Variants in DNAJB14 observed in about 807,000 individuals in gnomAD.
The protein encoded by DNAJB14 is DnaJ heat shock protein family (Hsp40) member B14.
In DNAJB14, 22 loss-of-function variants were observed where a neutral mutation model predicts 48.4. The observed-to-expected ratio is 0.45, with a 90% CI of 0.32 to 0.65. The LOEUF is 0.65. Ranked by LOEUF, DNAJB14 falls within the 30% of genes least tolerant of loss-of-function variation. The pLI is 0.03. For synonymous variants in DNAJB14, 142 were observed against 158.7 expected, an observed-to-expected ratio of 0.89 and a Z score of 0.79; for missense variants, 319 against 458.8, an observed-to-expected ratio of 0.70 and a Z score of 2.78.
intron 3 of DNAJB14, among the ~76,000 whole-genome samples, chr4:99,909,656 C>G (rs2110197059): frequency 6.6e-6 from 1 of 152,018 alleles, no homozygotes; most frequent in South Asian, 2.1e-4. Flanking sequence ...TCTCACAGTC[C>G]CAAATCCAAA....
intron 1 of DNAJB14, among the ~76,000 whole-genome samples, chr4:99,932,341 C>T (rs1431665014): frequency 2.0e-5 from 3 of 151,674 alleles, no homozygotes; most frequent in Non-Finnish European, 2.9e-5. Flanking sequence ...GTTAAAAAAA[C>T]GGGTGAAGGA....
intron 2 of DNAJB14, chr4:99,924,264 AC>A (rs1726166707): frequency 6.5e-6 from 1 of 152,760 alleles, no homozygotes; most frequent in Non-Finnish European, 1.5e-5. Context: ...CAGCAAAAGA[AC>A]TGCAAAGACT....
chr4:99,930,331 A>C, intron 2 of DNAJB14, 119 bp downstream of exon 2: 1 of 982,246 alleles, frequency 1.0e-6, no homozygotes, highest in Non-Finnish European at 1.5e-6. Context: ...ACACACCCAG[A>C]GTTCAATTCC....
rs368982663 is a variant in DNAJB14, at chr4:99,915,325, G to C, written c.452-6429C>G. Among the ~76,000 whole-genome samples, 3 of 152,290 alleles carry C rather than the reference G, an allele frequency of 2.0e-5. No individual in the cohort carries two copies. The East Asian group carries it at 5.8e-4, about 29-fold the overall frequency. On this transcript the variant is annotated intron_variant, in intron 3 of 7. Coordinates refer to ENST00000442697, the MANE Select transcript of DNAJB14 (RefSeq NM_001031723.4). ...GCTACTTTTTTGTATTTTTAGTAGA[G>C]ATGGGGTTTCATCGTGTTAGCCAAG...
At chr4:99,916,226 C>A (rs1725850038) in intron 3 of DNAJB14, among the ~76,000 whole-genome samples, 1 of 152,132 alleles carries the variant, frequency 6.6e-6, no homozygotes, top group Non-Finnish European at 1.5e-5. Context: ...GCAGCCTCAA[C>A]CCCCCAGGCT....
chr4:99,923,376 T>C (rs1191113594), intron 2 of DNAJB14, among the ~76,000 whole-genome samples, 191 bp from the exon 3 acceptor site: 1 of 152,148 alleles, frequency 6.6e-6, no homozygotes, highest in African/African-American at 2.4e-5. Flanking sequence ...TCCTCCAACC[T>C]CTTCCCGAAT....
chr4:99,922,483 T>G (rs1394088022), intron 3 of DNAJB14: 2 of 151,686 alleles, frequency 1.3e-5, no homozygotes, highest in Non-Finnish European at 2.9e-5. Context: ...GGCAAAAAAT[T>G]TAAAGAATAT....
chr4:99,904,285 A>G (rs749623135), intron 6 of DNAJB14, among the ~76,000 whole-genome samples: 13 of 152,174 alleles, frequency 8.5e-5, no homozygotes, highest in Non-Finnish European at 1.9e-4. Context: ...ACTGTTAAAT[A>G]CTTATATGTG....
rs59597113 is a variant in DNAJB14, at chr4:99,938,097, CAAAAAAAAAAAAAAA to C, written c.134-7491_134-7477del. Among the ~76,000 whole-genome samples the C allele has an allele frequency of 2.0e-4, 8 of 40,978 alleles. 1 individual carries two copies. Among genetic ancestry groups the C allele is most frequent in the East Asian group, 7.1e-4 (1 of 1,402 alleles). 26.9% of individuals were successfully genotyped at this position (40,978 alleles called of 152,430 possible). A position where few individuals can be genotyped will look rare whatever the true frequency, so the allele number is the denominator to read the frequency against. ...ACATGGCGAAACCATGTTAAAAATA[CAAAAAAAAAAAAAAA>C]AAAAAAAAAAAAAAATAGCTGGGCG... On this transcript the variant is annotated intron_variant, in intron 1 of 7. Coordinates refer to ENST00000442697, the MANE Select transcript of DNAJB14 (RefSeq NM_001031723.4).
intron 2 of DNAJB14, chr4:99,926,727 T>G (rs1007051840): frequency 6.6e-6 from 1 of 151,864 alleles, no homozygotes; most frequent in Non-Finnish European, 1.5e-5. Context: ...AGCTAAGAAT[T>G]GCCACAGACA....
intron 6 of DNAJB14, among the ~76,000 whole-genome samples, chr4:99,904,810 ATTT>A (rs1322823518): frequency 6.6e-6 from 1 of 152,012 alleles, no homozygotes; most frequent in Non-Finnish European, 1.5e-5. Flanking sequence ...TCAACTTGTA[ATTT>A]ATTTACGTTA....
intron 2 of DNAJB14, chr4:99,929,975 C>T (rs997149128): frequency 1.3e-5 from 2 of 152,004 alleles, no homozygotes; most frequent in Admixed American, 6.6e-5. Context: ...AACATTTCTG[C>T]GAAAGGACAT....
At chr4:99,928,953 T>C (rs1726357914) in intron 2 of DNAJB14, 1 of 154,516 alleles carries the variant, frequency 6.5e-6, no homozygotes, top group Non-Finnish European at 1.4e-5. Context: ...TTCTTTCACT[T>C]ATTCAGCTAC....
At chr4:99,909,653 G>A (rs1286525397) in intron 3 of DNAJB14, among the ~76,000 whole-genome samples, 1 of 151,830 alleles carries the variant, frequency 6.6e-6, no homozygotes, top group Non-Finnish European at 1.5e-5. Context: ...CCATCTCACA[G>A]TCCCAAATCC....
intron 2 of DNAJB14, chr4:99,925,351 T>A (rs1195935735): frequency 6.6e-6 from 1 of 152,362 alleles, no homozygotes; most frequent in Non-Finnish European, 1.5e-5. Context: ...CCCATAGATG[T>A]GGAGAGCCGA....
intron 3 of DNAJB14, among the ~76,000 whole-genome samples, chr4:99,914,557 C>T (rs906415003): frequency 5.9e-5 from 9 of 151,906 alleles, no homozygotes; most frequent in Non-Finnish European, 8.8e-5. Context: ...GACGAGTTAA[C>T]GGATGCAGCA....
intron 3 of DNAJB14, among the ~76,000 whole-genome samples, chr4:99,921,345 C>A (rs1380695331): frequency 1.3e-5 from 2 of 152,152 alleles, no homozygotes; most frequent in African/African-American, 2.4e-5. Flanking sequence ...TGAAATGTAC[C>A]ACATGAAAGT....
At chr4:99,922,935 G>A (rs1320310959) in intron 3 of DNAJB14, 105 bp downstream of exon 3, 21 of 1,226,570 alleles carry the variant, frequency 1.7e-5, no homozygotes, top group Non-Finnish European at 2.2e-5. Flanking sequence ...TGCTTGTGCT[G>A]GTCTCTAAAT....
At chr4:99,943,148 G>A (rs1296544417) in intron 1 of DNAJB14, among the ~76,000 whole-genome samples, 1 of 152,094 alleles carries the variant, frequency 6.6e-6, no homozygotes, top group Admixed American at 6.5e-5. Context: ...ATCCTGTGAT[G>A]ACATCTTCAC....
Sources: gnomAD v4.1 joint callset for allele counts (sites outside exome capture counted in the v4.1 genomes callset) on GRCh38, gnomAD v4.1.1 for gene constraint, MANE v1.5 for transcripts, NCBI Gene and HGNC (gene_info 2026-07-23, HGNC 2026-07-21) for gene names.